BIN2: variants seen among roughly 807,000 people sequenced by gnomAD.
BIN2 encodes breast cancer associated protein BRAP1.
In BIN2, 43 loss-of-function variants were observed where a neutral mutation model predicts 67.9. The observed-to-expected ratio is 0.63, with a 90% CI of 0.50 to 0.82. The LOEUF (loss-of-function observed/expected upper bound fraction) is 0.82. Among genes scored for constraint, BIN2 ranks in the 40% least tolerant of loss-of-function variants. BIN2 has a pLI of 0.00. For missense variants in BIN2, 581 were observed against 671.6 expected (o/e 0.87, Z 1.49); for synonymous variants, 244 against 246.8 (o/e 0.99, Z 0.11).
intron 1 of BIN2, among the ~76,000 whole-genome samples, chr12:51,320,287 T>C (rs567494946): frequency 1.5e-3 from 226 of 152,340 alleles, no homozygotes; most frequent in African/African-American, 5.2e-3. Context: ...CCCAAAGTGT[T>C]GGGATTACAG....
chr12:51,294,214 G>C (rs1945470469), intron 9 of BIN2, among the ~76,000 whole-genome samples: 1 of 152,134 alleles, frequency 6.6e-6, no homozygotes, highest in Non-Finnish European at 1.5e-5. Flanking sequence ...ACAACACTAA[G>C]AGAACAAAAG....
chr12:51,285,469 T>TA (rs1945212364), intron 11 of BIN2, among the ~76,000 whole-genome samples: 1 of 150,712 alleles, frequency 6.6e-6, no homozygotes, highest in African/African-American at 2.4e-5. Context: ...AATATAAATT[T>TA]TAAAAAAAAG....
At chr12:51,298,911 A>G (rs1377007790) in intron 7 of BIN2, among the ~76,000 whole-genome samples, 2 of 151,960 alleles carry the variant, frequency 1.3e-5, no homozygotes, top group African/African-American at 4.8e-5. Context: ...TCTACTAAAA[A>G]TACAAAAAAA....
At chr12:51,314,206 C>A (rs1946068207) in intron 1 of BIN2, among the ~76,000 whole-genome samples, 1 of 151,892 alleles carries the variant, frequency 6.6e-6, no homozygotes. Flanking sequence ...TACCACCACG[C>A]CCAGCTAATT....
chr12:51,317,125 C>G (rs913854137), intron 1 of BIN2, among the ~76,000 whole-genome samples: 1 of 152,120 alleles, frequency 6.6e-6, no homozygotes, highest in African/African-American at 2.4e-5. Context: ...ATCCGCCCGC[C>G]TCAGCCTCCC....
intron 9 of BIN2, 29 bp downstream of exon 9, chr12:51,295,767 G>T (rs374431646): frequency 1.5e-5 from 24 of 1,599,836 alleles, no homozygotes; most frequent in Non-Finnish European, 1.6e-5. Flanking sequence ...CAGGACAAGC[G>T]AAGCAAAAAA....
At chr12:51,317,992 A>AAAAAAG (rs972465918) in intron 1 of BIN2, among the ~76,000 whole-genome samples, 12 of 152,326 alleles carry the variant, frequency 7.9e-5, no homozygotes, top group African/African-American at 1.9e-4. Context: ...CGTCTCAAGA[A>AAAAAAG]AAAAAGAAAA....
chr12:51,312,719 T>C (rs1409568399), intron 2 of BIN2, among the ~76,000 whole-genome samples: 1 of 152,038 alleles, frequency 6.6e-6, no homozygotes, highest in African/African-American at 2.4e-5. Context: ...AAATATTCCA[T>C]TAAAAAAAAG....
chr12:51,307,436 G>A (rs958175562), intron 2 of BIN2, among the ~76,000 whole-genome samples: 4 of 151,092 alleles, frequency 2.6e-5, no homozygotes, highest in Non-Finnish European at 1.5e-5. Flanking sequence ...GGCTGGGAGC[G>A]GTGGCTCACC....
upstream of BIN2, chr12:51,324,345 C>T (rs1038199957): frequency 9.9e-6 from 13 of 1,315,334 alleles, no homozygotes; most frequent in South Asian, 1.7e-4. Context: ...GGCCAGCTTC[C>T]GAGCTCCAAC....
chr12:51,313,228 A>AAGGAAGGAAGGAAGGC (rs1565687607), intron 2 of BIN2, among the ~76,000 whole-genome samples: 41 of 139,788 alleles, frequency 2.9e-4, no homozygotes, highest in African/African-American at 9.4e-4. Flanking sequence ...GGAAGGCAGG[A>AAGGAAGGAAGGAAGGC]AGGCAGGCAG....
At chr12:51,315,105 C>T (rs1946087341) in intron 1 of BIN2, among the ~76,000 whole-genome samples, 1 of 152,144 alleles carries the variant, frequency 6.6e-6, no homozygotes, top group East Asian at 1.9e-4. Flanking sequence ...CCTGTTGCCT[C>T]AGCCTCCCAG....
chr12:51,291,986 G>C lies in BIN2; in HGVS notation c.1120C>G (p.Leu374Val). ...GATGAAGGCTGCCCTGAAGGGCTCA[G>C]GGCTCCGCCTGGTGATGGAGTTGTG... is the stretch of plus-strand genomic sequence containing the variant. Reference protein sequence around the residue: ...SSTTPSPGGALSPSGQPSSSA... With the variant: ...SSTTPSPGGAVSPSGQPSSSA... The change falls in exon 10 of 13, where the codon CTG becomes GTG. Residue 374 changes from leucine to valine, a missense_variant. Transcript: ENST00000615107. The C allele has an allele frequency of 6.2e-7, 1 of 1,614,224 alleles. No individual in the cohort carries two copies. Among genetic ancestry groups the C allele is most frequent in the Non-Finnish European group, 8.5e-7 (1 of 1,180,036 alleles).
chr12:51,314,905 T>C (rs1157716734), intron 1 of BIN2, among the ~76,000 whole-genome samples: 1 of 152,154 alleles, frequency 6.6e-6, no homozygotes, highest in Admixed American at 6.5e-5. Context: ...CTGGCTGTAG[T>C]ACAGTGGTGC....
At chr12:51,286,501 T>A (rs1945240196) in intron 11 of BIN2, among the ~76,000 whole-genome samples, 2 of 151,952 alleles carry the variant, frequency 1.3e-5, no homozygotes, top group South Asian at 4.1e-4. Context: ...TCAGAAAGAG[T>A]CTTGGCTCCT....
At chr12:51,323,214 G>A (rs1294582118) in intron 1 of BIN2, 1 of 152,204 alleles carries the variant, frequency 6.6e-6, no homozygotes, top group Non-Finnish European at 1.5e-5. Context: ...CTAGAGGGTT[G>A]GTAGGTGGAG....
chr12:51,310,782 A>T (rs1945972814), intron 2 of BIN2, among the ~76,000 whole-genome samples: 1 of 151,846 alleles, frequency 6.6e-6, no homozygotes, highest in Admixed American at 6.6e-5. Context: ...TTTTTTTGAG[A>T]TAGGGTCTCA....
chr12:51,324,209 C>T, upstream of BIN2: 3 of 1,498,734 alleles, frequency 2.0e-6, no homozygotes, highest in Non-Finnish European at 1.8e-6. Flanking sequence ...CCGGCCCCAG[C>T]CCTGAGCCAC....
intron 2 of BIN2, among the ~76,000 whole-genome samples, chr12:51,309,597 G>A (rs1945945288): frequency 6.6e-6 from 1 of 151,924 alleles, no homozygotes; most frequent in South Asian, 2.1e-4. Flanking sequence ...TGTTGCCCAG[G>A]CTGGTCTTGA....
Sources: gnomAD v4.1 joint callset for allele counts (sites outside exome capture counted in the v4.1 genomes callset) on GRCh38, gnomAD v4.1.1 for gene constraint, MANE v1.5 for transcripts, NCBI Gene and HGNC (gene_info 2026-07-23, HGNC 2026-07-21) for gene names.